Variants in AGRN observed in about 807,000 individuals in gnomAD.
The protein encoded by AGRN is agrin.
AGRN carries 106 observed loss-of-function variants against 211.0 expected under a neutral mutation model. The ratio of observed to expected loss-of-function variants is 0.50; its 90% CI spans 0.43 to 0.59. The LOEUF (loss-of-function observed/expected upper bound fraction) is 0.59. Among genes scored for constraint, AGRN ranks in the 20% least tolerant of loss-of-function variants. AGRN has a pLI of 0.00. For synonymous variants in AGRN, 1,525 were observed against 1,332.5 expected, an observed-to-expected ratio of 1.14 and a Z score of -3.15; for missense variants, 3,040 against 2,982.6, an observed-to-expected ratio of 1.02 and a Z score of -0.45.
In AGRN at chr1:1,045,176, C is replaced by G. The variant is rs202172924; in HGVS notation, c.2270C>G (p.Pro757Arg). 26 of 1,612,404 alleles carry G rather than the reference C, an allele frequency of 1.6e-5. No homozygotes were observed. The East Asian group carries it at 4.9e-4, about 30-fold the overall frequency. ...QGACRGPTFA[P>R]LPPVAPLHCA... ...TTTCCTGCAGGCCCCACCTTCGCCC[C>G]GCTGCCGCCTGTGGCCCCCTTACAC... Residue 757 changes from proline (P) to arginine (R), a missense_variant, in exon 13 of 36, where the codon CCG (proline) becomes CGG (arginine). This residue lies in a region of AGRN where 1,498 missense variants were observed against 1,457.8 expected (regional missense o/e 1.03). Transcript: ENST00000379370.
intron 2 of AGRN, among the ~76,000 whole-genome samples, chr1:1,027,532 G>A (rs1025876190): frequency 1.3e-5 from 2 of 152,208 alleles, no homozygotes; most frequent in Admixed American, 6.5e-5. Flanking sequence ...CGTCCAGCAC[G>A]CTGCCCCGTG....
At position 1,054,520 on chromosome 1, in the gene AGRN, G is replaced by A. The variant is rs748240272; in HGVS notation, c.5949G>A (p.Thr1983=). The A allele has an allele frequency of 4.1e-5, 66 of 1,602,646 alleles. No individual in the cohort carries two copies. The highest frequency in any genetic ancestry group is 8.0e-5 in the African/African-American group (6 of 74,746). The change falls in exon 35 of 36, where the codon ACG becomes ACA. Residue 1983 remains threonine, a synonymous_variant. Coordinates refer to ENST00000379370, the MANE Select transcript of AGRN (RefSeq NM_198576.4). ...CCGGCTCCTCCCCGCTGGGCGCCAC[G>A]CAGCTGGACACTGATGGAGCCCTGT... The part of the protein sequence containing the change: ...PVTGSSPLGA[T]QLDTDGALWL...
In AGRN at chr1:1,045,240, C is replaced by T. The variant is rs1322127713; in HGVS notation, c.2334C>T (p.Ile778=). 2 of 1,611,938 alleles carry T rather than the reference C, an allele frequency of 1.2e-6. No individual in the cohort carries two copies. The highest frequency in any genetic ancestry group is 2.7e-5 in the African/African-American group (2 of 74,932). The change falls in exon 13 of 36, where the codon ATC becomes ATT. Residue 778 remains isoleucine (I), a synonymous_variant. Transcript: ENST00000379370. Reference sequence around the variant, plus strand: ...CCTACGGCTGCTGCCAGGACAATATCACCGCAGCCCGGGGCGTGGGCCTGG... The same window carrying T: ...CCTACGGCTGCTGCCAGGACAATATTACCGCAGCCCGGGGCGTGGGCCTGG... ...QTPYGCCQDN[I]TAARGVGLAG...
intron 3 of AGRN, among the ~76,000 whole-genome samples, chr1:1,039,439 C>G (rs1479939764): frequency 6.6e-6 from 1 of 151,394 alleles, no homozygotes; most frequent in Non-Finnish European, 1.5e-5. Flanking sequence ...CCCCATTTCA[C>G]GAGCCTGCTG....
intron 19 of AGRN, 59 bp downstream of exon 19, chr1:1,047,016 G>GC (rs1645116695): frequency 6.5e-7 from 1 of 1,548,298 alleles, no homozygotes; most frequent in Admixed American, 2.0e-5. Flanking sequence ...CCGAGGTGCT[G>GC]CCCCCTCGCC....
intron 3 of AGRN, among the ~76,000 whole-genome samples, chr1:1,035,666 T>C (rs902403012): frequency 2.0e-5 from 3 of 152,208 alleles, no homozygotes; most frequent in African/African-American, 7.2e-5. Flanking sequence ...TCCGCTCTAT[T>C]GTCCTCCCTT....
Position 1,044,201 on chromosome 1 carries a change from T to G in AGRN, c.2092T>G (p.Ser698Ala). 6.2e-7 allele frequency: 1 copy of G among 1,612,928 alleles called. No individual in the cohort carries two copies. Among genetic ancestry groups the G allele is most frequent in the Non-Finnish European group, 8.5e-7 (1 of 1,179,880 alleles). ...RQRGGIWDED[S>A]EDGPCVCDFS... ...GCGCGGTGGCATCTGGGACGAGGAC[T>G]CGGAGGACGGGCCGTGTGTCTGTGA... Residue 698 changes from serine (S) to alanine (A), a missense_variant, in exon 11 of 36, where the codon TCG becomes GCG. This residue lies in a region of AGRN where 1,498 missense variants were observed against 1,457.8 expected (regional missense o/e 1.03). Coordinates refer to ENST00000379370, the MANE Select transcript of AGRN (RefSeq NM_198576.4).
intron 1 of AGRN, 90 bp from the exon 2 acceptor site, chr1:1,022,111 T>A: frequency 2.0e-6 from 3 of 1,515,848 alleles, no homozygotes; most frequent in Non-Finnish European, 2.7e-6. Context: ...TTGAGTCTAC[T>A]GTGGACATTT....
chr1:1,038,798 T>G (rs1644859600), intron 3 of AGRN, among the ~76,000 whole-genome samples: 1 of 152,090 alleles, frequency 6.6e-6, no homozygotes, highest in Non-Finnish European at 1.5e-5. Flanking sequence ...GGATTTGGAC[T>G]GGGAGTCCCA....
At chr1:1,028,320 G>GCCCCCCCCCCCCCCC (rs77046272) in intron 2 of AGRN, among the ~76,000 whole-genome samples, 1 of 105,092 alleles carries the variant, frequency 9.5e-6, no homozygotes, top group African/African-American at 4.1e-5. Flanking sequence ...GTGGGGAAAC[G>GCCCCCCCCCCCCCCC]CCCCCCCCCC....
chr1:1,047,550 T>C (rs1169142138), intron 20 of AGRN, 23 bp from the exon 21 acceptor site: 1 of 1,612,316 alleles, frequency 6.2e-7, no homozygotes. Context: ...GCCCCCCAAG[T>C]CCTTGCCTAC....
intron 4 of AGRN, 52 bp downstream of exon 4, chr1:1,040,932 A>C: frequency 1.7e-6 from 2 of 1,149,132 alleles, no homozygotes; most frequent in Non-Finnish European, 2.2e-6. Context: ...GGCCTATGAG[A>C]TGGAGCGAGG....
chr1:1,043,632 G>A lies in AGRN; in HGVS notation c.1698G>A (p.Val566=). The change falls in exon 9 of 36, where the codon GTG becomes GTA. Residue 566 remains valine (V), a synonymous_variant. Transcript: ENST00000379370. Reference sequence around the variant, plus strand: ...AATGCGTGGCTTTGGCCCAGCCCGTGTGTGGCTCCGACGGGCACACGTACC... The same window carrying A: ...AATGCGTGGCTTTGGCCCAGCCCGTATGTGGCTCCGACGGGCACACGTACC... The part of the protein sequence containing the change: ...PSECVALAQP[V]CGSDGHTYPS... 1 of 1,603,270 alleles carries A rather than the reference G, an allele frequency of 6.2e-7. No individual in the cohort carries two copies. The highest frequency in any genetic ancestry group is 8.5e-7 in the Non-Finnish European group (1 of 1,179,758).
chr1:1,021,750 C>T (rs1193835082), intron 1 of AGRN, among the ~76,000 whole-genome samples: 7 of 152,252 alleles, frequency 4.6e-5, no homozygotes, highest in African/African-American at 9.6e-5. Flanking sequence ...GAGGAAGGGG[C>T]GTCTCAGCCC....
At chr1:1,046,763 G>T in intron 18 of AGRN, 28 bp downstream of exon 18, 1 of 1,574,956 alleles carries the variant, frequency 6.3e-7, no homozygotes, top group Non-Finnish European at 8.6e-7. Context: ...ACTTGGGGTG[G>T]GTGGGCAGGC....
intron 16 of AGRN, 34 bp from the exon 17 acceptor site, chr1:1,046,126 G>C: frequency 6.2e-7 from 1 of 1,613,958 alleles, no homozygotes; most frequent in Non-Finnish European, 8.5e-7. Flanking sequence ...TGGGGAGGAG[G>C]CCTCGCCTTG....
Position 1,050,309 on chromosome 1 carries a change from C to T in AGRN, c.4956C>T (p.His1652=), listed in dbSNP as rs1365687266. 2 of 1,612,870 alleles carry T rather than the reference C, an allele frequency of 1.2e-6. No individual in the cohort carries two copies. Among genetic ancestry groups the T allele is most frequent in the Admixed American group, 1.7e-5 (1 of 59,984 alleles). The part of the protein sequence containing the change: ...GFSHLELRGL[H]TFARDLGEKM... ...CCCACCTGGAGCTGAGAGGCCTGCA[C>T]ACCTTTGCACGGGACCTGGGGTCGG... The change falls in exon 28 of 36, where the codon CAC becomes CAT. Residue 1652 remains histidine (H), a synonymous_variant. Coordinates refer to ENST00000379370, the MANE Select transcript of AGRN (RefSeq NM_198576.4).
intron 2 of AGRN, among the ~76,000 whole-genome samples, chr1:1,023,319 G>T (rs1474347719): frequency 6.6e-6 from 1 of 152,198 alleles, no homozygotes; most frequent in East Asian, 1.9e-4. Flanking sequence ...ACTGTCCACT[G>T]CTCTTGCCTT....
Position 1,050,711 on chromosome 1 carries a change from G to T in AGRN, c.5142-15G>T. Reference sequence around the variant, plus strand: ...GTGGTGGACAGAGCCCACTCACGCTGCCCCTCCTCACCAGGAGCAGGGAGC... The same window carrying T: ...GTGGTGGACAGAGCCCACTCACGCTTCCCCTCCTCACCAGGAGCAGGGAGC... On this transcript the variant is annotated splice_polypyrimidine_tract_variant and intron_variant, in intron 29 of 35. Coordinates refer to ENST00000379370, the MANE Select transcript of AGRN (RefSeq NM_198576.4). 6.3e-7 allele frequency: 1 copy of T among 1,599,822 alleles called. No individual in the cohort carries two copies. Among genetic ancestry groups the T allele is most frequent in the Non-Finnish European group, 8.5e-7 (1 of 1,175,514 alleles).
Sources: allele counts gnomAD v4.1 joint callset (sites outside exome capture counted in the v4.1 genomes callset), GRCh38; gene constraint gnomAD v4.1.1; regional missense constraint gnomAD v4.1.1; transcripts MANE v1.5; gene names NCBI Gene and HGNC (gene_info 2026-07-23, HGNC 2026-07-21).